ACTN4: variants seen among roughly 807,000 people sequenced by gnomAD.
ACTN4 encodes alpha-actinin-4.
In ACTN4, 18 loss-of-function variants were observed where a neutral mutation model predicts 114.2. The ratio of observed to expected loss-of-function variants is 0.16; its 90% CI spans 0.11 to 0.23. The LOEUF is 0.23. ACTN4 is among the 10% of genes least tolerant of loss of function. The pLI, the probability that ACTN4 is intolerant of heterozygous loss-of-function variation, is 1.00. For synonymous variants in ACTN4, 515 were observed against 506.3 expected, an observed-to-expected ratio of 1.02 and a Z score of -0.23; for missense variants, 722 against 1,262.9, an observed-to-expected ratio of 0.57 and a Z score of 6.49.
In ACTN4 at chr19:38,685,155, G is replaced by A. The variant is rs147636150; in HGVS notation, c.163-15445G>A. On this transcript the variant is annotated intron_variant, in intron 1 of 20. Transcript: ENST00000252699. ...GAGATAGGGTTTCACCATGTTGACCGGGATGGTCTCGAACTCCTGACCTCG... is the reference window on the plus strand; with the variant it reads ...GAGATAGGGTTTCACCATGTTGACCAGGATGGTCTCGAACTCCTGACCTCG... Among the ~76,000 whole-genome samples, 776 of 152,050 alleles carry A rather than the reference G, an allele frequency of 5.1e-3. 8 individuals carry two copies. The highest frequency in any genetic ancestry group is 0.018 in the African/African-American group (734 of 41,464).
In ACTN4 at chr19:38,727,264, TGC is replaced by T. The variant is rs916073397; in HGVS notation, c.2337+163_2337+164del. On this transcript the variant is annotated intron_variant, in intron 18 of 20. Coordinates refer to ENST00000252699, the MANE Select transcript of ACTN4 (RefSeq NM_004924.6). This position sits in a 1 kb window ranked among gnomAD's most constrained non-coding sequence, Gnocchi z 5.4. Reference sequence around the variant, plus strand: ...CCCTGCCACTGTCAGGGTGTAGGTGTGCGGCACCAAGACCCCAGCCTGGGCCA... The same window carrying T: ...CCCTGCCACTGTCAGGGTGTAGGTGTGGCACCAAGACCCCAGCCTGGGCCA... Among the ~76,000 whole-genome samples the T allele has an allele frequency of 2.0e-5, 3 of 152,056 alleles. No individual in the cohort carries two copies. The highest frequency in any genetic ancestry group is 6.5e-5 in the Admixed American group (1 of 15,282).
intron 1 of ACTN4, among the ~76,000 whole-genome samples, chr19:38,653,085 CAA>C (rs3033329): frequency 8.0e-5 from 10 of 125,154 alleles, no homozygotes; most frequent in African/African-American, 1.3e-4. Context: ...GACTCCATCT[CAA>C]AAAAAAAAAA....
chr19:38,698,213 T>G (rs1338501371), intron 1 of ACTN4, among the ~76,000 whole-genome samples: 1 of 152,090 alleles, frequency 6.6e-6, no homozygotes, highest in African/African-American at 2.4e-5. Context: ...AGCATTGCCA[T>G]GCACGCTGCA....
intron 8 of ACTN4, chr19:38,711,348 C>T (rs746819594): frequency 4.1e-5 from 43 of 1,040,924 alleles, no homozygotes; most frequent in Non-Finnish European, 4.3e-5. Flanking sequence ...CACGCTTTCT[C>T]GGGGGCTCAG....
chr19:38,672,461 G>C (rs962375173), intron 1 of ACTN4, among the ~76,000 whole-genome samples: 4 of 150,532 alleles, frequency 2.7e-5, no homozygotes, highest in African/African-American at 9.8e-5. Context: ...GGCTGGTCTT[G>C]AACTCCTGAC....
chr19:38,708,508 C>T lies in ACTN4; in HGVS notation c.651+313C>T, dbSNP rs553324183. Among the ~76,000 whole-genome samples, 56 of 152,372 alleles carry T rather than the reference C, an allele frequency of 3.7e-4. 1 individual carries two copies. Among genetic ancestry groups the T allele is most frequent in the African/African-American group, 1.3e-3 (54 of 41,596 alleles). ...CTCAATCTTCTGGATTCTAGAACCT[C>T]CTCTGCCCAAAGGGGCAGAGGGCAA... On this transcript the variant is annotated intron_variant, in intron 6 of 20. Transcript: ENST00000252699.
At chr19:38,722,925 C>T (rs1969096545) in intron 12 of ACTN4, among the ~76,000 whole-genome samples, 1 of 152,200 alleles carries the variant, frequency 6.6e-6, no homozygotes, top group Non-Finnish European at 1.5e-5. Flanking sequence ...CGGGTCCTGT[C>T]TTTTCTGCTG....
At chr19:38,649,831 G>C (rs918032540) in intron 1 of ACTN4, among the ~76,000 whole-genome samples, 8 of 152,134 alleles carry the variant, frequency 5.3e-5, no homozygotes, top group Non-Finnish European at 8.8e-5. Flanking sequence ...CCTGAGGTGG[G>C]GCCGGGCATA....
At chr19:38,711,536 G>A (rs1031255295) in intron 8 of ACTN4, among the ~76,000 whole-genome samples, 1 of 152,222 alleles carries the variant, frequency 6.6e-6, no homozygotes. Context: ...CAGGTTTCCC[G>A]CCTGGCCGGT....
chr19:38,663,119 C>T (rs952364426), intron 1 of ACTN4, among the ~76,000 whole-genome samples: 4 of 152,062 alleles, frequency 2.6e-5, no homozygotes, highest in Admixed American at 6.6e-5. Flanking sequence ...TCATGTTGGC[C>T]GGGCTGGTTG....
In ACTN4 at chr19:38,724,463, C is replaced by T; in HGVS notation, c.1908C>T (p.Ala636=). The T allele has an allele frequency of 2.5e-6, 4 of 1,613,570 alleles. No individual in the cohort carries two copies. Among genetic ancestry groups the T allele is most frequent in the Non-Finnish European group, 3.4e-6 (4 of 1,179,984 alleles). The change falls in exon 16 of 21, where the codon GCC becomes GCT. Residue 636 remains alanine, a synonymous_variant. Transcript: ENST00000252699. The surrounding 1 kb of genome is among the most constrained non-coding windows in gnomAD (Gnocchi z 7.0). ...VQQLVPKRDH[A]LLEEQSKQQS... is the part of the protein sequence containing the mutation. ...AGCTGGTGCCAAAACGGGACCATGCCCTCCTGGAGGAGCAGAGCAAGCAGC... is the reference window on the plus strand; with the variant it reads ...AGCTGGTGCCAAAACGGGACCATGCTCTCCTGGAGGAGCAGAGCAAGCAGC...
At chr19:38,728,451 C>CCTCCTCCTCCTCCTCCT (rs1568752027) in intron 19 of ACTN4, 2 of 634,280 alleles carry the variant, frequency 3.2e-6, no homozygotes. Flanking sequence ...CTCCTCCTCC[C>CCTCCTCCTCCTCCTCCT]CCCCACCTCT....
intron 1 of ACTN4, 26 bp downstream of exon 1, chr19:38,647,933 C>G (rs1239377900): frequency 1.5e-6 from 2 of 1,359,182 alleles, no homozygotes; most frequent in Admixed American, 5.9e-5. Flanking sequence ...GCCGGACGGG[C>G]TGGAGGGGCT....
intron 3 of ACTN4, among the ~76,000 whole-genome samples, chr19:38,704,420 C>T (rs1336571273): frequency 2.6e-5 from 4 of 152,166 alleles, no homozygotes; most frequent in Admixed American, 2.6e-4. Flanking sequence ...AGAGTGTCGG[C>T]AGTAGGATTG....
intron 9 of ACTN4, among the ~76,000 whole-genome samples, chr19:38,715,614 T>A (rs982882379): frequency 1.3e-4 from 20 of 152,240 alleles, no homozygotes; most frequent in Admixed American, 2.6e-4. Context: ...AACTATTGGA[T>A]GTCCAACCTA....
chr19:38,654,744 C>T (rs1976666538), intron 1 of ACTN4, among the ~76,000 whole-genome samples: 1 of 152,038 alleles, frequency 6.6e-6, no homozygotes, highest in Non-Finnish European at 1.5e-5. Context: ...TTTCACGTCC[C>T]TCCCCTCCCC....
intron 8 of ACTN4, chr19:38,711,163 A>T: frequency 2.8e-6 from 1 of 360,662 alleles, no homozygotes; most frequent in Non-Finnish European, 3.9e-6. Flanking sequence ...GCTGGCTTCC[A>T]GTCCAGAGCA....
chr19:38,688,966 T>C (rs1327086690), intron 1 of ACTN4, among the ~76,000 whole-genome samples: 2 of 152,168 alleles, frequency 1.3e-5, no homozygotes, highest in Non-Finnish European at 2.9e-5. Context: ...CCCAGGCTGG[T>C]CTTGTCTCAG....
intron 1 of ACTN4, among the ~76,000 whole-genome samples, chr19:38,673,587 T>TTA (rs1214605037): frequency 8.7e-6 from 1 of 115,488 alleles, no homozygotes; most frequent in African/African-American, 3.3e-5. Flanking sequence ...TCATATATAT[T>TTA]TATATATATT....
Sources: allele counts gnomAD v4.1 joint callset (sites outside exome capture counted in the v4.1 genomes callset), GRCh38; gene constraint gnomAD v4.1.1; non-coding constraint Gnocchi (gnomAD v3.1); transcripts MANE v1.5; gene names NCBI Gene and HGNC (gene_info 2026-07-23, HGNC 2026-07-21).